SPPL3: variants seen among roughly 807,000 people sequenced by gnomAD.
SPPL3 encodes the protein signal peptide peptidase-like 3.
Under a neutral mutation model 42.4 loss-of-function variants are expected in SPPL3, and 5 were observed. The ratio of observed to expected loss-of-function variants is 0.12; its 90% CI spans 0.06 to 0.25. SPPL3 has a LOEUF of 0.25. SPPL3 is among the 10% of genes least tolerant of loss of function. SPPL3 has a pLI of 1.00. For synonymous variants in SPPL3, 195 were observed against 181.8 expected (o/e 1.07, Z -0.58); for missense variants, 235 against 489.0 (o/e 0.48, Z 4.90).
At chr12:120,768,779 T>C (rs1869001537) in intron 7 of SPPL3, 174 bp downstream of exon 7, 1 of 660,124 alleles carries the variant, frequency 1.5e-6, no homozygotes, top group Non-Finnish European at 2.6e-6. Flanking sequence ...TGTACGACTT[T>C]TCAGCAAACA....
chr12:120,801,526 C>T (rs1481816230), intron 2 of SPPL3, among the ~76,000 whole-genome samples: 1 of 151,888 alleles, frequency 6.6e-6, no homozygotes, highest in Non-Finnish European at 1.5e-5. Flanking sequence ...GATTTTTCAG[C>T]GAGGATTCAG....
At chr12:120,813,439 T>A (rs967074026) in intron 1 of SPPL3, among the ~76,000 whole-genome samples, 1 of 151,508 alleles carries the variant, frequency 6.6e-6, no homozygotes, top group Non-Finnish European at 1.5e-5. Context: ...TGCTTCAGCC[T>A]CCTGAGAAGC....
At chr12:120,864,209 C>T (rs576780646) in intron 1 of SPPL3, among the ~76,000 whole-genome samples, 2 of 152,286 alleles carry the variant, frequency 1.3e-5, no homozygotes, top group African/African-American at 4.8e-5. Flanking sequence ...CCATCTATTA[C>T]CACTGATCTC....
chr12:120,885,961 TCTC>T (rs1873440942), intron 1 of SPPL3, among the ~76,000 whole-genome samples: 3 of 151,208 alleles, frequency 2.0e-5, no homozygotes, highest in African/African-American at 7.3e-5. Flanking sequence ...TTCAAGCAAT[TCTC>T]CTGCCTCACA....
intron 6 of SPPL3, among the ~76,000 whole-genome samples, chr12:120,778,173 G>C (rs1036817388): frequency 7.4e-6 from 1 of 134,834 alleles, no homozygotes; most frequent in Non-Finnish European, 1.5e-5. Flanking sequence ...CTGGAGTGCA[G>C]TGGTGTGATC....
chr12:120,804,561 C>G (rs757423747), intron 2 of SPPL3, among the ~76,000 whole-genome samples: 25 of 152,040 alleles, frequency 1.6e-4, no homozygotes, highest in Non-Finnish European at 2.9e-4. Context: ...CCCACCAGAA[C>G]AGTAGAATAG....
intron 1 of SPPL3, among the ~76,000 whole-genome samples, chr12:120,890,948 T>C (rs1873621883): frequency 6.6e-6 from 1 of 152,170 alleles, no homozygotes; most frequent in Non-Finnish European, 1.5e-5. Context: ...GGTTGACTCA[T>C]TATCAACTTG....
Position 120,903,840 on chromosome 12 carries a change from C to T in SPPL3, c.23+5G>A, listed in dbSNP as rs1011220611. The T allele has an allele frequency of 8.1e-6, 12 of 1,478,192 alleles. No individual in the cohort carries two copies. In the African/African-American group the frequency reaches 1.6e-4, roughly 20 times the overall value. 91.6% of individuals were successfully genotyped at this position (1,478,192 alleles called of 1,614,324 possible). A position where few individuals can be genotyped will look rare whatever the true frequency, so the allele number is the denominator to read the frequency against. On this transcript the variant is annotated splice_donor_5th_base_variant and intron_variant, in intron 1 of 10. Coordinates refer to ENST00000353487, the MANE Select transcript of SPPL3 (RefSeq NM_139015.5). ...CCTCCCGGCCTCCCGGAGCCCCGCACTCACCACGAGTAGGTCTGCTCCGCC... is the reference window on the plus strand; with the variant it reads ...CCTCCCGGCCTCCCGGAGCCCCGCATTCACCACGAGTAGGTCTGCTCCGCC...
At chr12:120,828,405 T>TA (rs33981750) in intron 1 of SPPL3, among the ~76,000 whole-genome samples, 100,047 of 151,594 alleles carry the variant, frequency 0.66, 33,424 homozygotes, top group East Asian at 0.85. Context: ...GTTTTTGCCT[T>TA]AAAAAAAACT....
chr12:120,777,058 T>A (rs1307481242), intron 6 of SPPL3, among the ~76,000 whole-genome samples: 1 of 152,152 alleles, frequency 6.6e-6, no homozygotes, highest in African/African-American at 2.4e-5. Flanking sequence ...TCTCAATCTG[T>A]CATTTAAAGA....
chr12:120,779,872 C>T (rs1266217223), intron 6 of SPPL3, among the ~76,000 whole-genome samples: 2 of 144,452 alleles, frequency 1.4e-5, no homozygotes, highest in East Asian at 2.0e-4. Flanking sequence ...GTGGTGGGCA[C>T]CTGTAATCCC....
chr12:120,839,511 TAAAC>T (rs1871735575), intron 1 of SPPL3, among the ~76,000 whole-genome samples: 1 of 152,004 alleles, frequency 6.6e-6, no homozygotes. Context: ...AGTATAATAA[TAAAC>T]AAAAACAAAA....
chr12:120,825,605 C>G (rs961935908), intron 1 of SPPL3, among the ~76,000 whole-genome samples: 1 of 152,220 alleles, frequency 6.6e-6, no homozygotes, highest in Admixed American at 6.5e-5. Context: ...ACTGCAAGAT[C>G]AGCTTCTGTT....
chr12:120,900,023 T>C (rs1396308300), intron 1 of SPPL3, among the ~76,000 whole-genome samples: 1 of 151,936 alleles, frequency 6.6e-6, no homozygotes, highest in Non-Finnish European at 1.5e-5. Context: ...CAAGCACACG[T>C]GAACTTACAT....
At chr12:120,769,946 G>C (rs1256873976) in intron 6 of SPPL3, 1 of 146,036 alleles carries the variant, frequency 6.8e-6, no homozygotes, top group Non-Finnish European at 1.5e-5. Flanking sequence ...TTTCCATTTG[G>C]GTGAATTTTC....
intron 1 of SPPL3, among the ~76,000 whole-genome samples, chr12:120,892,593 G>A (rs1873674837): frequency 6.6e-6 from 1 of 152,124 alleles, no homozygotes; most frequent in South Asian, 2.1e-4. Context: ...AGGGAAGCAG[G>A]GTTATAAGAC....
At chr12:120,803,183 T>C (rs56137011) in intron 2 of SPPL3, among the ~76,000 whole-genome samples, 16,060 of 152,252 alleles carry the variant, frequency 0.11, 1,045 homozygotes, top group East Asian at 0.3. Flanking sequence ...ATGGTGGTCC[T>C]TGTGAAACAC....
At chr12:120,770,892 C>T (rs1869094458) in intron 6 of SPPL3, among the ~76,000 whole-genome samples, 1 of 152,314 alleles carries the variant, frequency 6.6e-6, no homozygotes, top group Middle Eastern at 3.4e-3. Context: ...GTCTAGTTGG[C>T]CTCTCAAATC....
At chr12:120,772,649 T>C (rs1869165945) in intron 6 of SPPL3, among the ~76,000 whole-genome samples, 2 of 152,160 alleles carry the variant, frequency 1.3e-5, no homozygotes, top group Admixed American at 6.5e-5. Context: ...TCAATATATG[T>C]AATAAAGTGG....
Sources: allele counts gnomAD v4.1 joint callset (sites outside exome capture counted in the v4.1 genomes callset), GRCh38; gene constraint gnomAD v4.1.1; transcripts MANE v1.5; gene names NCBI Gene and HGNC (gene_info 2026-07-23, HGNC 2026-07-21).